The following SPDYE5 variants were observed in gnomAD, a reference collection of about 807,000 sequenced individuals.
SPDYE5 encodes speedy/RINGO cell cycle regulator family member E5.
A neutral mutation model predicts 48.5 loss-of-function variants in SPDYE5; 15 were observed. The observed-to-expected ratio is 0.31, with a 90% CI of 0.21 to 0.48. The LOEUF is 0.48. SPDYE5 is among the 20% of genes least tolerant of loss of function. SPDYE5 has a pLI of 0.99. For synonymous variants in SPDYE5, 116 were observed against 200.7 expected (o/e 0.58, Z 3.57); for missense variants, 331 against 549.1 (o/e 0.60, Z 3.97).
chr7:75,501,313 G>T (rs1554483378), intron 6 of SPDYE5, 49 bp from the exon 7 acceptor site: 1 of 1,611,498 alleles, frequency 6.2e-7, no homozygotes. Context: ...CTCAGCCGGA[G>T]GCCTCTCTTG....
chr7:75,493,899 A>T lies in SPDYE5; in HGVS notation c.-149A>T, dbSNP rs3926478. ...AGCGATGACATCAGAGATTCCGACC[A>T]TCCTGATTGGAGGGACCGGACTCCG... is the stretch of plus-strand genomic sequence containing the variant. On this transcript the variant is annotated 5_prime_UTR_variant, in exon 2 of 9. Coordinates refer to ENST00000625065, the MANE Select transcript of SPDYE5 (RefSeq NM_001306141.4). 38 of 1,467,486 alleles carry T rather than the reference A, an allele frequency of 2.6e-5. No individual in the cohort carries two copies. The highest frequency in any genetic ancestry group is 1.7e-4 in the Admixed American group (7 of 41,848). The allele number at this position is 1,467,486 out of a possible 1,614,324, so 90.9% of individuals were successfully genotyped here.
At position 75,493,808 on chromosome 7, in the gene SPDYE5, C is replaced by T; in HGVS notation, c.-240C>T. ...AGGAGATACCATTCACCCAGGATCT[C>T]CAGGACAAGAGATCAGCCTGGCAGT... On this transcript the variant is annotated 5_prime_UTR_variant, in exon 2 of 9. Transcript: ENST00000625065. 1 of 1,431,066 alleles carries T rather than the reference C, an allele frequency of 7.0e-7. No individual in the cohort carries two copies. The highest frequency in any genetic ancestry group is 1.5e-5 in the South Asian group (1 of 66,704). The allele number at this position is 1,431,066 out of a possible 1,614,324, so 88.6% of individuals were successfully genotyped here. A position where few individuals can be genotyped will look rare whatever the true frequency, so the allele number is the denominator to read the frequency against.
At chr7:75,498,148 A>G (rs1793007125) in intron 5 of SPDYE5, among the ~76,000 whole-genome samples, 152 bp downstream of exon 5, 2 of 121,364 alleles carry the variant, frequency 1.6e-5, no homozygotes, top group African/African-American at 3.2e-5. Flanking sequence ...TTTGTGAGAC[A>G]GAATCTTGCT....
rs587708610 is a variant in SPDYE5 at position 75,495,240 on chromosome 7, C to A, written c.245C>A (p.Pro82Gln). 957 of 1,596,798 alleles carry A rather than the reference C, an allele frequency of 6.0e-4. 1 individual carries two copies. Among genetic ancestry groups the A allele is most frequent in the Non-Finnish European group, 7.9e-4 (936 of 1,179,588 alleles). ...TGGTCAGATGAATCTGCGGAGGAGCCGGAGAAGGAGCTCGCCCCTGAACCT... is the reference window on the plus strand; with the variant it reads ...TGGTCAGATGAATCTGCGGAGGAGCAGGAGAAGGAGCTCGCCCCTGAACCT... ...REWSDESAEE[P>Q]EKELAPEPEE... Residue 82 changes from proline to glutamine, a missense_variant, in exon 3 of 9, where the codon CCG becomes CAG. Physicochemically the swap from Pro to Gln is moderately conservative, Grantham distance 76. Transcript: ENST00000625065.
intron 6 of SPDYE5, among the ~76,000 whole-genome samples, 161 bp downstream of exon 6, chr7:75,499,477 G>C (rs1219543277): frequency 1.3e-5 from 2 of 151,736 alleles, no homozygotes; most frequent in African/African-American, 4.8e-5. Flanking sequence ...TTTCTAAACA[G>C]AAACTCAGGC....
In SPDYE5 at chr7:75,494,193, T is replaced by C. The variant is rs1792838685; in HGVS notation, c.146T>C (p.Val49Ala). The change falls in exon 2 of 9, where the codon GTG becomes GCG. Residue 49 changes from valine (V) to alanine (A), a missense_variant. Val to Ala is a moderately conservative substitution (Grantham distance 64). Coordinates refer to ENST00000625065, the MANE Select transcript of SPDYE5 (RefSeq NM_001306141.4). ...CTCCAGGAGGTGGTGGATGATGAAGTGTTGGGACCATCAGGTGAGGGGACT... is the reference window on the plus strand; with the variant it reads ...CTCCAGGAGGTGGTGGATGATGAAGCGTTGGGACCATCAGGTGAGGGGACT... ...YPLQEVVDDE[V>A]LGPSAPGVDP... 6.5e-7 allele frequency: 1 copy of C among 1,534,330 alleles called. No individual in the cohort carries two copies. The highest frequency in any genetic ancestry group is 8.7e-7 in the Non-Finnish European group (1 of 1,146,496).
At position 75,501,743 on chromosome 7, in the gene SPDYE5, G is replaced by A. The variant is rs1554483595; in HGVS notation, c.1137G>A (p.Glu379=). 1 of 1,609,972 alleles carries A rather than the reference G, an allele frequency of 6.2e-7. No individual in the cohort carries two copies. The highest frequency in any genetic ancestry group is 1.4e-5 in the African/African-American group (1 of 72,474). ...GCGGCAGGGCTTGGGTTTCCCCGGA[G>A]GAGTTGGAGGAGGTAGGTGGGGCCT... ...SMSGRAWVSP[E]ELEEIQAYDP... is the part of the protein sequence containing the mutation. Residue 379 remains glutamate (E), a synonymous_variant, in exon 7 of 9, where the codon GAG becomes GAA. Coordinates refer to ENST00000625065, the MANE Select transcript of SPDYE5 (RefSeq NM_001306141.4).
chr7:75,497,751 G>A (rs1487395831), intron 4 of SPDYE5, among the ~76,000 whole-genome samples, 187 bp from the exon 5 acceptor site: 1 of 143,504 alleles, frequency 7.0e-6, no homozygotes, highest in Admixed American at 7.4e-5. Context: ...CCTCTTCTCA[G>A]GGGAGTCTCA....
Position 75,493,737 on chromosome 7 carries a change from T to C in SPDYE5, c.-311T>C. On this transcript the variant is annotated 5_prime_UTR_variant, in exon 2 of 9. Coordinates refer to ENST00000625065, the MANE Select transcript of SPDYE5 (RefSeq NM_001306141.4). ...GGACAGGGAACAGAGGGATGTGGAG[T>C]CCCTGAAGATGCTTTTGGACAATGG... The C allele has an allele frequency of 1.4e-6, 2 of 1,410,162 alleles. No individual in the cohort carries two copies. The highest frequency in any genetic ancestry group is 3.2e-5 in the South Asian group (2 of 61,818). 87.4% of individuals were successfully genotyped at this position (1,410,162 alleles called of 1,614,324 possible). A position where few individuals can be genotyped will look rare whatever the true frequency, so the allele number is the denominator to read the frequency against.
chr7:75,501,200 C>G (rs1229235612), intron 6 of SPDYE5, among the ~76,000 whole-genome samples, 162 bp from the exon 7 acceptor site: 1 of 151,996 alleles, frequency 6.6e-6, no homozygotes, highest in Non-Finnish European at 1.5e-5. Flanking sequence ...TTGATCAGGT[C>G]TCTGTCCAGC....
At chr7:75,496,239 G>A (rs2116603297) in intron 3 of SPDYE5, among the ~76,000 whole-genome samples, 1 of 148,326 alleles carries the variant, frequency 6.7e-6, no homozygotes, top group Non-Finnish European at 1.5e-5. Context: ...GCACAAAAAT[G>A]AGCTGGGCGT....
rs782476992 is a variant in SPDYE5 at position 75,496,655 on chromosome 7, G to T, written c.380-19G>T. The stretch of plus-strand genomic sequence containing the variant: ...TCAACTGCAGAAGCATTACACCATG[G>T]CCTGGTTTCTTTACTCAGCCCCTGG... On this transcript the variant is annotated intron_variant, in intron 3 of 8. Transcript: ENST00000625065. 3.1e-6 allele frequency: 5 copies of T among 1,597,542 alleles called. No individual in the cohort carries two copies. Among genetic ancestry groups the T allele is most frequent in the Non-Finnish European group, 4.2e-6 (5 of 1,179,868 alleles).
Position 75,502,547 on chromosome 7 carries a change from T to A in SPDYE5, c.*46-286T>A, listed in dbSNP as rs1351290132. Among the ~76,000 whole-genome samples, 3 of 152,130 alleles carry A rather than the reference T, an allele frequency of 2.0e-5. No individual in the cohort carries two copies. In the East Asian group the frequency reaches 5.8e-4, roughly 29 times the overall value. The stretch of plus-strand genomic sequence containing the variant: ...GCTGTGATGAAGTCCAAAGCCACAT[T>A]CTCTGAGGGTGCCCTACTCCCTGGG... On this transcript the variant is annotated intron_variant, in intron 8 of 8. Transcript: ENST00000625065.
chr7:75,494,216 A>G lies in SPDYE5; in HGVS notation c.160+9A>G, dbSNP rs1252773913. 4.6e-6 allele frequency: 7 copies of G among 1,534,360 alleles called. No homozygotes were observed. In the African/African-American group the frequency reaches 8.2e-5, roughly 18 times the overall value. On this transcript the variant is annotated intron_variant, in intron 2 of 8. Transcript: ENST00000625065. ...AGTGTTGGGACCATCAGGTGAGGGG[A>G]CTGGTGGAAGAAGAGGTGGGATAGG...
Position 75,497,460 on chromosome 7 carries a change from A to C in SPDYE5, c.611-478A>C, listed in dbSNP as rs587632767. ...AATAAATTAATAAATAAATAAAAAT[A>C]AAAATCAAATAAAGAAAAACAAAAT... On this transcript the variant is annotated intron_variant, in intron 4 of 8. Transcript: ENST00000625065. Among the ~76,000 whole-genome samples the C allele has an allele frequency of 6.6e-5, 10 of 151,004 alleles. No homozygotes were observed. The East Asian group carries it at 2.0e-3, about 30-fold the overall frequency.
At chr7:75,495,419 A>AG in intron 3 of SPDYE5, 45 bp downstream of exon 3, 1 of 1,591,814 alleles carries the variant, frequency 6.3e-7, no homozygotes, top group East Asian at 2.2e-5. Flanking sequence ...GTTCTTTCTA[A>AG]AAAGAGGAAA....
At chr7:75,492,496 T>C (rs1190921044) in intron 1 of SPDYE5, among the ~76,000 whole-genome samples, 55 bp downstream of exon 1, 1 of 152,180 alleles carries the variant, frequency 6.6e-6, no homozygotes, top group Non-Finnish European at 1.5e-5. Flanking sequence ...TGGAGCACAA[T>C]GGTGCGATCT....
rs62477728 is a variant in SPDYE5, at chr7:75,503,147, C to G, written c.*360C>G. On this transcript the variant is annotated 3_prime_UTR_variant, in exon 9 of 9. Transcript: ENST00000625065. The stretch of plus-strand genomic sequence containing the variant: ...CCTCCCTGGGGCGGAACCTGGAGGT[C>G]CTGTTTCTTATGGACTTGGTTACCA... 0.44 allele frequency: 190,306 copies of G among 434,938 alleles called. 47,835 individuals are homozygous for G. The highest frequency in any genetic ancestry group is 0.94 in the East Asian group (13,550 of 14,350). The allele number at this position is 434,938 out of a possible 1,614,324, so 26.9% of individuals were successfully genotyped here.
In SPDYE5 at chr7:75,494,044, G is replaced by A; in HGVS notation, c.-4G>A. On this transcript the variant is annotated 5_prime_UTR_variant, in exon 2 of 9. Transcript: ENST00000625065. Reference sequence around the variant, plus strand: ...TGGATCCTAGCAGTGATCAGAAGAAGGCCATGGACAGAACGGAGACTAGGT... The same window carrying A: ...TGGATCCTAGCAGTGATCAGAAGAAAGCCATGGACAGAACGGAGACTAGGT... 1.3e-6 allele frequency: 2 copies of A among 1,527,002 alleles called. No individual in the cohort carries two copies. The highest frequency in any genetic ancestry group is 4.9e-5 in the East Asian group (2 of 40,564). 94.6% of individuals were successfully genotyped at this position (1,527,002 alleles called of 1,614,324 possible).
Sources: gnomAD v4.1 joint callset for allele counts (sites outside exome capture counted in the v4.1 genomes callset) on GRCh38, gnomAD v4.1.1 for gene constraint, MANE v1.5 for transcripts, NCBI Gene and HGNC (gene_info 2026-07-23, HGNC 2026-07-21) for gene names.